XPNPEP1: variants seen among roughly 807,000 people sequenced by gnomAD.
The protein encoded by XPNPEP1 is xaa-Pro aminopeptidase 1.
A neutral mutation model predicts 92.4 loss-of-function variants in XPNPEP1; 39 were observed. That is an observed-to-expected ratio of 0.42 (90% confidence interval 0.33 to 0.55). The LOEUF is 0.55. Ranked by LOEUF, XPNPEP1 falls within the 20% of genes least tolerant of loss-of-function variation. The pLI is 0.08. For missense variants in XPNPEP1, 654 were observed against 856.1 expected (o/e 0.76, Z 2.95); for synonymous variants, 307 against 299.4 (o/e 1.03, Z -0.26).
intron 14 of XPNPEP1, 146 bp from the exon 15 acceptor site, chr10:109,875,745 A>G: frequency 1.6e-6 from 1 of 619,004 alleles, no homozygotes; most frequent in Non-Finnish European, 2.7e-6. Context: ...TGCAATAATG[A>G]ATTATTTCAA....
chr10:109,923,484 C>G lies in XPNPEP1; in HGVS notation c.-51G>C. On this transcript the variant is annotated 5_prime_UTR_variant, in exon 1 of 21. Transcript: ENST00000502935. ...GTCAGGGGAGCGCAGACCAGCTGAT[C>G]ACCCGCGGAAGGGCCGGCGCGAAGG... The G allele has an allele frequency of 3.7e-6, 5 of 1,354,982 alleles. No homozygotes were observed. Among genetic ancestry groups the G allele is most frequent in the Non-Finnish European group, 4.8e-6 (5 of 1,046,560 alleles). The allele number at this position is 1,354,982 out of a possible 1,614,324, so 83.9% of individuals were successfully genotyped here. A position where few individuals can be genotyped will look rare whatever the true frequency, so the allele number is the denominator to read the frequency against.
chr10:109,873,733 G>A (rs777081903), intron 15 of XPNPEP1, among the ~76,000 whole-genome samples: 7 of 152,168 alleles, frequency 4.6e-5, no homozygotes, highest in Non-Finnish European at 1.0e-4. Context: ...CAGCTGAAAT[G>A]TCCATCAACT....
In XPNPEP1 at chr10:109,878,133, T is replaced by C. The variant is rs1049314786; in HGVS notation, c.1183-75A>G. ...CCTCTTACAAATTAGAGGAGGTACA[T>C]TAAAAGCTCACTTTTTCCTCAATTG... On this transcript the variant is annotated intron_variant, in intron 12 of 20. Transcript: ENST00000502935. 4.5e-6 allele frequency: 7 copies of C among 1,562,952 alleles called. No homozygotes were observed. In the East Asian group the frequency reaches 1.6e-4, roughly 35 times the overall value.
At chr10:109,908,991 C>T (rs1589623388) in intron 2 of XPNPEP1, among the ~76,000 whole-genome samples, 1 of 150,392 alleles carries the variant, frequency 6.6e-6, no homozygotes, top group African/African-American at 2.4e-5. Context: ...GCGGGAGTGG[C>T]CGGGTGCGGT....
At chr10:109,872,724 T>C (rs1423936212) in intron 16 of XPNPEP1, among the ~76,000 whole-genome samples, 1 of 152,242 alleles carries the variant, frequency 6.6e-6, no homozygotes. Context: ...TGCTGAGCAG[T>C]GACTATGATC....
intron 7 of XPNPEP1, among the ~76,000 whole-genome samples, chr10:109,886,950 C>T (rs1848424963): frequency 6.6e-6 from 1 of 152,194 alleles, no homozygotes; most frequent in South Asian, 2.1e-4. Flanking sequence ...CTTTCAGACA[C>T]TGCCAAGGCC....
At chr10:109,907,901 C>T in intron 2 of XPNPEP1, 86 bp from the exon 3 acceptor site, 1 of 1,565,058 alleles carries the variant, frequency 6.4e-7, no homozygotes, top group Non-Finnish European at 8.6e-7. Context: ...GAGAGAAGTG[C>T]CTTCTACGTT....
At chr10:109,918,121 A>G (rs1399162166) in intron 1 of XPNPEP1, among the ~76,000 whole-genome samples, 1 of 151,900 alleles carries the variant, frequency 6.6e-6, no homozygotes, top group Non-Finnish European at 1.5e-5. Flanking sequence ...CTCAAAAAAA[A>G]AAACAAAAAA....
intron 3 of XPNPEP1, among the ~76,000 whole-genome samples, chr10:109,897,986 C>T (rs1849075698): frequency 6.6e-6 from 1 of 152,194 alleles, no homozygotes; most frequent in African/African-American, 2.4e-5. Flanking sequence ...CATACCCTTG[C>T]AAGCTGCCAA....
At chr10:109,881,661 C>A (rs1243796978) in intron 10 of XPNPEP1, among the ~76,000 whole-genome samples, 2 of 152,216 alleles carry the variant, frequency 1.3e-5, no homozygotes, top group Non-Finnish European at 2.9e-5. Context: ...GGATGCCCCA[C>A]TGCTCAGTGG....
At position 109,920,629 on chromosome 10, in the gene XPNPEP1, T is replaced by C. The variant is rs952214336; in HGVS notation, c.32+2773A>G. On this transcript the variant is annotated intron_variant, in intron 1 of 20. Coordinates refer to ENST00000502935, the MANE Select transcript of XPNPEP1 (RefSeq NM_020383.4). Reference sequence around the variant, plus strand: ...TTAGCTTATGGCAGCCTCAAACTCCTAAGCTCAAGCAATTCTCCTGCCTCA... The same window carrying C: ...TTAGCTTATGGCAGCCTCAAACTCCCAAGCTCAAGCAATTCTCCTGCCTCA... Among the ~76,000 whole-genome samples the C allele has an allele frequency of 8.5e-5, 13 of 152,194 alleles. 1 individual carries two copies. The South Asian group carries it at 1.0e-3, about 12-fold the overall frequency.
chr10:109,907,890 A>T, intron 2 of XPNPEP1, 75 bp from the exon 3 acceptor site: 8 of 1,586,270 alleles, frequency 5.0e-6, no homozygotes, highest in Non-Finnish European at 6.9e-6. Context: ...AGTGGGCCAC[A>T]GAGAGAAGTG....
intron 2 of XPNPEP1, among the ~76,000 whole-genome samples, chr10:109,912,900 G>A (rs1363682288): frequency 6.6e-6 from 1 of 152,194 alleles, no homozygotes; most frequent in African/African-American, 2.4e-5. Flanking sequence ...TTGGATCTAT[G>A]ATCTTTTCAG....
At chr10:109,922,114 C>T (rs1431673482) in intron 1 of XPNPEP1, among the ~76,000 whole-genome samples, 2 of 152,174 alleles carry the variant, frequency 1.3e-5, no homozygotes, top group Admixed American at 6.5e-5. Flanking sequence ...GTTCAGTTTC[C>T]ATTACCGAAA....
At chr10:109,904,201 T>A (rs1443068252) in intron 3 of XPNPEP1, among the ~76,000 whole-genome samples, 2 of 148,776 alleles carry the variant, frequency 1.3e-5, no homozygotes, top group African/African-American at 5.0e-5. Context: ...CCTCACCAAG[T>A]CTATCCTTAC....
chr10:109,881,374 C>T (rs1028227233), intron 10 of XPNPEP1, among the ~76,000 whole-genome samples: 2 of 152,180 alleles, frequency 1.3e-5, no homozygotes, highest in African/African-American at 2.4e-5. Flanking sequence ...CCTCCCTTCC[C>T]GCCCAGTGGT....
Position 109,917,209 on chromosome 10 carries a change from T to C in XPNPEP1, c.33-2110A>G, listed in dbSNP as rs369184316. The stretch of plus-strand genomic sequence containing the variant: ...GAAGTAAAACTATCTCTATTTGCAA[T>C]TGACATAATCTTGAATACAGAAAAT... On this transcript the variant is annotated intron_variant, in intron 1 of 20. Transcript: ENST00000502935. 8.1e-4 allele frequency among the ~76,000 whole-genome samples: 124 copies of C among 152,236 alleles called. 1 individual carries two copies. The highest frequency in any genetic ancestry group is 2.9e-3 in the African/African-American group (121 of 41,532).
At chr10:109,913,685 A>G (rs1370537250) in intron 2 of XPNPEP1, among the ~76,000 whole-genome samples, 4 of 152,338 alleles carry the variant, frequency 2.6e-5, no homozygotes, top group South Asian at 2.1e-4. Flanking sequence ...TCCCAAGTCC[A>G]TGCTCTATTA....
At chr10:109,866,281 C>A (rs1847138877) in intron 20 of XPNPEP1, among the ~76,000 whole-genome samples, 2 of 152,184 alleles carry the variant, frequency 1.3e-5, no homozygotes, top group Admixed American at 1.3e-4. Context: ...CCATTAATTA[C>A]AAGGGACTGA....
Sources: gnomAD v4.1 joint callset for allele counts (sites outside exome capture counted in the v4.1 genomes callset) on GRCh38, gnomAD v4.1.1 for gene constraint, MANE v1.5 for transcripts, NCBI Gene and HGNC (gene_info 2026-07-23, HGNC 2026-07-21) for gene names.